Variants in GBF1 observed in about 807,000 individuals in gnomAD.
GBF1 encodes the protein golgi brefeldin A resistant guanine nucleotide exchange factor 1.
A neutral mutation model predicts 210.5 loss-of-function variants in GBF1; 114 were observed. The ratio of observed to expected loss-of-function variants is 0.54; its 90% CI spans 0.47 to 0.63. GBF1 has a LOEUF of 0.63. Among genes scored for constraint, GBF1 ranks in the 30% least tolerant of loss-of-function variants. The pLI is 0.00. For missense variants in GBF1, 1,851 were observed against 2,357.7 expected (o/e 0.79, Z 4.45); for synonymous variants, 850 against 889.2 (o/e 0.96, Z 0.78).
intron 4 of GBF1, among the ~76,000 whole-genome samples, chr10:102,349,736 G>T (rs1025145881): frequency 6.6e-6 from 1 of 152,138 alleles, no homozygotes; most frequent in East Asian, 1.9e-4. Flanking sequence ...ATCCTTCAGA[G>T]CAGACCTAGG....
chr10:102,351,357 C>G lies in GBF1; in HGVS notation c.397C>G (p.Leu133Val). The change falls in exon 5 of 40, where the codon CTG becomes GTG. Residue 133 changes from leucine to valine, a missense_variant. Coordinates refer to ENST00000369983, the MANE Select transcript of GBF1 (RefSeq NM_001377137.1). ...GGATCCTGCCAGTGATGAAGTTGTC[C>G]TGATGAAAATCCTTCAGGTAAGCGA... The part of the protein sequence containing the change: ...GTDPASDEVV[L>V]MKILQVLRTL... 1 of 1,588,196 alleles carries G rather than the reference C, an allele frequency of 6.3e-7. No individual in the cohort carries two copies. Among genetic ancestry groups the G allele is most frequent in the Non-Finnish European group, 8.6e-7 (1 of 1,156,426 alleles).
At chr10:102,367,347 A>G in intron 20 of GBF1, 131 bp from the exon 21 acceptor site, 1 of 1,164,798 alleles carries the variant, frequency 8.6e-7, no homozygotes, top group Non-Finnish European at 1.3e-6. Context: ...AACCTAGAAA[A>G]GGGACTGGGG....
chr10:102,296,567 A>T (rs1236365087), intron 3 of GBF1, among the ~76,000 whole-genome samples: 2 of 152,042 alleles, frequency 1.3e-5, no homozygotes, highest in Non-Finnish European at 1.5e-5. Flanking sequence ...AGATGGTGAA[A>T]CCCCATCTCT....
At position 102,325,324 on chromosome 10, in the gene GBF1, G is replaced by A. The variant is rs376299496; in HGVS notation, c.164-18727G>A. The stretch of plus-strand genomic sequence containing the variant: ...AGCACTTTGGGAGGCCAAGGCAGGC[G>A]GATCACCTGAGGTCAGGAGTTCAAG... On this transcript the variant is annotated intron_variant, in intron 3 of 39. Coordinates refer to ENST00000369983, the MANE Select transcript of GBF1 (RefSeq NM_001377137.1). Among the ~76,000 whole-genome samples, 90 of 152,156 alleles carry A rather than the reference G, an allele frequency of 5.9e-4. 2 individuals carry two copies. The South Asian group carries it at 0.018, about 30-fold the overall frequency.
chr10:102,351,147 G>A (rs1242690552), intron 4 of GBF1, 109 bp from the exon 5 acceptor site: 1 of 657,968 alleles, frequency 1.5e-6, no homozygotes, highest in Admixed American at 2.6e-5. Flanking sequence ...AGGAGCCACG[G>A]GTTAGGGAAC....
chr10:102,363,710 C>G lies in GBF1; in HGVS notation c.2018C>G (p.Ala673Gly), dbSNP rs1327123598. The G allele has an allele frequency of 6.2e-7, 1 of 1,602,670 alleles. No individual in the cohort carries two copies. ...TCCCCCCTCTTCTTCCTACTCCTAG[C>G]TGACAAAAAGTTTGCCCGGAAGCCA... ...SDLEEAVDSG[A>G]DKKFARKPPR... The change falls in exon 17 of 40, where the codon GCT (alanine) becomes GGT (glycine). Residue 673 changes from alanine to glycine, a missense_variant and splice_region_variant. Physicochemically the swap from Ala to Gly is moderately conservative, Grantham distance 60 (BLOSUM62 0). Around this residue, in one of 3 missense-constraint regions of GBF1, gnomAD observed 804 missense variants for 958.6 expected, o/e 0.84. Transcript: ENST00000369983. This position sits in a 1 kb window ranked among gnomAD's most constrained non-coding sequence, Gnocchi z 4.2.
intron 29 of GBF1, among the ~76,000 whole-genome samples, chr10:102,372,037 G>A (rs1259615178): frequency 6.6e-6 from 1 of 151,738 alleles, no homozygotes; most frequent in African/African-American, 2.4e-5. Context: ...CTAACGTGGT[G>A]AAACCCCGTC....
intron 1 of GBF1, among the ~76,000 whole-genome samples, chr10:102,251,497 A>T (rs1388622154): frequency 6.6e-6 from 1 of 152,170 alleles, no homozygotes; most frequent in Non-Finnish European, 1.5e-5. Context: ...TGATAGTCCC[A>T]TGGTGGTGAT....
chr10:102,276,209 C>T (rs980606409), intron 3 of GBF1, among the ~76,000 whole-genome samples: 28 of 150,336 alleles, frequency 1.9e-4, no homozygotes, highest in Non-Finnish European at 2.1e-4. Context: ...TGCACTCCAG[C>T]CTGGGCAACA....
chr10:102,333,997 G>A (rs1299390681), intron 3 of GBF1, among the ~76,000 whole-genome samples: 1 of 152,126 alleles, frequency 6.6e-6, no homozygotes, highest in Non-Finnish European at 1.5e-5. Context: ...AGGGGTAAAT[G>A]AACTAATTTC....
At chr10:102,234,095 C>A in the GBF1 span, among the ~76,000 whole-genome samples, 2 of 152,236 alleles carry the variant, frequency 1.3e-5, no homozygotes, top group African/African-American at 4.8e-5. Context: ...TTAATGCAGG[C>A]TGCACAGGAT....
At chr10:102,300,755 C>G (rs192788480) in intron 3 of GBF1, among the ~76,000 whole-genome samples, 2 of 152,278 alleles carry the variant, frequency 1.3e-5, no homozygotes, top group Non-Finnish European at 2.9e-5. Context: ...AAAGCTCCGT[C>G]GTCATTCAGT....
chr10:102,287,316 T>A (rs368805818), intron 3 of GBF1, among the ~76,000 whole-genome samples: 13 of 150,040 alleles, frequency 8.7e-5, no homozygotes, highest in South Asian at 2.1e-4. Flanking sequence ...ACAAAAAAAA[T>A]TTCACACAGT....
At chr10:102,231,595 C>G in the GBF1 span, 29 of 1,598,950 alleles carry the variant, frequency 1.8e-5, no homozygotes, top group Admixed American at 1.7e-5. Context: ...TACCCGCACG[C>G]GGGCCTCGGT....
intron 3 of GBF1, among the ~76,000 whole-genome samples, chr10:102,293,727 T>A (rs2133701823): frequency 6.8e-6 from 1 of 146,262 alleles, no homozygotes; most frequent in South Asian, 2.2e-4. Context: ...CCTTATATAA[T>A]AAAGATATAA....
At chr10:102,279,290 A>G (rs1589462320) in intron 3 of GBF1, among the ~76,000 whole-genome samples, 1 of 152,208 alleles carries the variant, frequency 6.6e-6, no homozygotes, top group African/African-American at 2.4e-5. Context: ...ACCCAGTGGA[A>G]TTTGTTCTCC....
At chr10:102,258,790 AAAAAG>A in intron 1 of GBF1, 134 bp from the exon 2 acceptor site, 4 of 523,844 alleles carry the variant, frequency 7.6e-6, no homozygotes, top group South Asian at 6.4e-5. Flanking sequence ...AAAAAAAAAA[AAAAAG>A]AAAGAAAGAA....
chr10:102,230,834 A>G, the GBF1 span: 2 of 1,582,486 alleles, frequency 1.3e-6, no homozygotes, highest in South Asian at 1.1e-5. Context: ...GGCACCATGG[A>G]GGCGGCGATG....
At chr10:102,253,838 C>G (rs75059264) in intron 1 of GBF1, among the ~76,000 whole-genome samples, 5,016 of 152,204 alleles carry the variant, frequency 0.033, 138 homozygotes, top group Non-Finnish European at 0.047. Flanking sequence ...AAGTGTTTTG[C>G]TATTTCAGGA....
Sources: allele counts gnomAD v4.1 joint callset (sites outside exome capture counted in the v4.1 genomes callset), GRCh38; gene constraint gnomAD v4.1.1; regional missense constraint gnomAD v4.1.1; non-coding constraint Gnocchi (gnomAD v3.1); transcripts MANE v1.5; gene names NCBI Gene and HGNC (gene_info 2026-07-23, HGNC 2026-07-21).